Variants in ITGBL1 observed in about 807,000 individuals in gnomAD.
ITGBL1 encodes the protein integrin beta-like protein 1.
ITGBL1 carries 51 observed loss-of-function variants against 68.5 expected under a neutral mutation model. The ratio of observed to expected loss-of-function variants is 0.74; its 90% confidence interval spans 0.59 to 0.94. The LOEUF (loss-of-function observed/expected upper bound fraction) is 0.94, where lower values mean the gene tolerates loss of function less well. ITGBL1 is among the 40% of genes least tolerant of loss of function. The pLI is 0.00. For missense variants in ITGBL1, 649 were observed against 647.4 expected (o/e 1.00, Z -0.03); for synonymous variants, 209 against 227.3 (o/e 0.92, Z 0.72).
At chr13:101,472,899 G>A (rs1393269850) in intron 2 of ITGBL1, among the ~76,000 whole-genome samples, 3 of 151,894 alleles carry the variant, frequency 2.0e-5, no homozygotes, top group Non-Finnish European at 4.4e-5. Context: ...TCTAAAAATG[G>A]ACTGCTTTCT....
intron 8 of ITGBL1, among the ~76,000 whole-genome samples, chr13:101,693,682 A>G (rs1594985801): frequency 6.7e-6 from 1 of 149,754 alleles, no homozygotes; most frequent in Non-Finnish European, 1.5e-5. Context: ...TTATCTGTGT[A>G]TCTATTATCT....
rs766986034 is a variant in ITGBL1, at chr13:101,583,327, A to G, written c.839A>G (p.Tyr280Cys). Residue 280 changes from tyrosine (Y) to cysteine (C), a missense_variant, in exon 6 of 11, where the codon TAT becomes TGT. Transcript: ENST00000376180. ...ECDERDCRAV[Y>C]DRYSDDFCSG... ...GATGAGAGGGACTGTAGAGCTGTCTATGACCGATATTCTGATGACTTCTGT... is the reference window on the plus strand; with the variant it reads ...GATGAGAGGGACTGTAGAGCTGTCTGTGACCGATATTCTGATGACTTCTGT... The G allele has an allele frequency of 2.5e-6, 4 of 1,602,714 alleles. No individual in the cohort carries two copies. The highest frequency in any genetic ancestry group is 3.4e-5 in the Admixed American group (2 of 58,130).
chr13:101,633,920 A>G (rs773179634), intron 7 of ITGBL1, among the ~76,000 whole-genome samples: 1 of 152,146 alleles, frequency 6.6e-6, no homozygotes, highest in Non-Finnish European at 1.5e-5. Flanking sequence ...AGGTTTACAG[A>G]GAGTTGACAT....
chr13:101,640,720 T>C (rs1277704978), intron 7 of ITGBL1, among the ~76,000 whole-genome samples: 1 of 152,156 alleles, frequency 6.6e-6, no homozygotes, highest in Non-Finnish European at 1.5e-5. Context: ...AATTATCCCA[T>C]CACCCAGGCA....
intron 6 of ITGBL1, among the ~76,000 whole-genome samples, chr13:101,595,823 CT>C (rs1476168957): frequency 6.6e-6 from 1 of 152,054 alleles, no homozygotes; most frequent in Non-Finnish European, 1.5e-5. Flanking sequence ...ATTATATGAT[CT>C]AGGAATTTCT....
chr13:101,691,977 G>A (rs1247207158), intron 7 of ITGBL1, among the ~76,000 whole-genome samples: 1 of 152,094 alleles, frequency 6.6e-6, no homozygotes, highest in Non-Finnish European at 1.5e-5. Context: ...GTTCCCAAAC[G>A]ATGAACCAAA....
rs564019196 is a variant in ITGBL1, at chr13:101,484,864, C to T, written c.316+30764C>T. On this transcript the variant is annotated intron_variant, in intron 2 of 10. Transcript: ENST00000376180. ...TTGATGAACATTGTATATCCACAAG[C>T]ACAAGACGCTCAATAAACTTGAACT... Among the ~76,000 whole-genome samples, 3 of 151,932 alleles carry T rather than the reference C, an allele frequency of 2.0e-5. No individual in the cohort carries two copies. In the South Asian group the frequency reaches 6.3e-4, roughly 32 times the overall value.
intron 2 of ITGBL1, among the ~76,000 whole-genome samples, chr13:101,551,375 C>G (rs1290859275): frequency 6.6e-6 from 1 of 151,964 alleles, no homozygotes; most frequent in African/African-American, 2.4e-5. Flanking sequence ...GGGGAGGTAT[C>G]GAAAATGAAG....
intron 2 of ITGBL1, among the ~76,000 whole-genome samples, chr13:101,500,843 C>CT (rs2048930105): frequency 1.3e-5 from 2 of 152,196 alleles, no homozygotes; most frequent in Admixed American, 6.5e-5. Flanking sequence ...TCAGAGTCTA[C>CT]TGCAACATCC....
intron 4 of ITGBL1, 107 bp downstream of exon 4, chr13:101,575,653 G>A (rs374942643): frequency 2.8e-6 from 3 of 1,068,288 alleles, no homozygotes; most frequent in South Asian, 3.0e-5. Flanking sequence ...TGCTAATGTA[G>A]TTTAAACCTA....
chr13:101,627,184 C>T lies in ITGBL1; in HGVS notation c.1015+28885C>T, dbSNP rs1043042121. The stretch of plus-strand genomic sequence containing the variant: ...AAGTGTAGTCTGAGTTATAAGATTC[C>T]TCTTTCATGTAATTTTTTTTTATAT... On this transcript the variant is annotated intron_variant, in intron 7 of 10. Coordinates refer to ENST00000376180, the MANE Select transcript of ITGBL1 (RefSeq NM_004791.3). Among the ~76,000 whole-genome samples the T allele has an allele frequency of 3.9e-5, 6 of 152,038 alleles. 1 individual carries two copies. Among genetic ancestry groups the T allele is most frequent in the Non-Finnish European group, 5.9e-5 (4 of 68,006 alleles).
At chr13:101,615,777 C>T (rs1351248829) in intron 7 of ITGBL1, among the ~76,000 whole-genome samples, 1 of 151,948 alleles carries the variant, frequency 6.6e-6, no homozygotes, top group Non-Finnish European at 1.5e-5. Flanking sequence ...AGACAGAGAC[C>T]ATGTCTCTAA....
chr13:101,642,418 T>G (rs1284187383), intron 7 of ITGBL1, among the ~76,000 whole-genome samples: 3 of 152,214 alleles, frequency 2.0e-5, no homozygotes, highest in Non-Finnish European at 2.9e-5. Flanking sequence ...TTGTTTGTTT[T>G]TTTCTTGTAA....
intron 2 of ITGBL1, among the ~76,000 whole-genome samples, chr13:101,544,595 A>G (rs1181935290): frequency 6.6e-6 from 1 of 152,186 alleles, no homozygotes; most frequent in African/African-American, 2.4e-5. Flanking sequence ...AGACAGGGAC[A>G]TTTAAGTCTG....
At chr13:101,654,771 T>A (rs9554816) in intron 7 of ITGBL1, among the ~76,000 whole-genome samples, 1 of 152,002 alleles carries the variant, frequency 6.6e-6, no homozygotes, top group Non-Finnish European at 1.5e-5. Flanking sequence ...TGTAAAGCTC[T>A]GGGCCTGGAT....
chr13:101,460,868 G>A (rs958472962), intron 2 of ITGBL1, among the ~76,000 whole-genome samples: 2 of 152,188 alleles, frequency 1.3e-5, no homozygotes, highest in South Asian at 4.1e-4. Context: ...TGACCTTGGG[G>A]AGGGCACCAA....
At chr13:101,471,528 ATGTATGTGTGTGTGTGTGTGTG>A (rs1480357021) in intron 2 of ITGBL1, among the ~76,000 whole-genome samples, 1 of 117,120 alleles carries the variant, frequency 8.5e-6, no homozygotes, top group Admixed American at 9.5e-5. Flanking sequence ...GTGTGTGTGT[ATGTATGTGTGTGTGTGTGTGTG>A]TGTGTGTGTG....
chr13:101,640,147 A>C (rs77830224), intron 7 of ITGBL1, among the ~76,000 whole-genome samples: 16,069 of 152,162 alleles, frequency 0.11, 1,117 homozygotes, highest in African/African-American at 0.2. Flanking sequence ...GTCCATGAAA[A>C]TCAGTGTACA....
At chr13:101,486,145 G>A (rs149689692) in intron 2 of ITGBL1, among the ~76,000 whole-genome samples, 3 of 152,244 alleles carry the variant, frequency 2.0e-5, no homozygotes, top group East Asian at 3.9e-4. Context: ...TATACACCAG[G>A]GAATACTACT....
Sources: allele counts gnomAD v4.1 joint callset (sites outside exome capture counted in the v4.1 genomes callset), GRCh38; gene constraint gnomAD v4.1.1; transcripts MANE v1.5; gene names NCBI Gene and HGNC (gene_info 2026-07-23, HGNC 2026-07-21).